The following EEPD1 variants were observed in gnomAD, a reference collection of about 807,000 sequenced individuals.
The protein encoded by EEPD1 is endonuclease/exonuclease/phosphatase family domain containing 1.
In EEPD1, 17 loss-of-function variants were observed where a neutral mutation model predicts 46.3. The observed-to-expected ratio is 0.37, with a 90% CI of 0.25 to 0.55. EEPD1 has a LOEUF of 0.55. Among genes scored for constraint, EEPD1 ranks in the 20% least tolerant of loss-of-function variants. The probability of loss-of-function intolerance (pLI) is 0.83; values close to 1 mark genes in which losing one functional copy is unlikely to be tolerated. For missense variants in EEPD1, 673 were observed against 745.6 expected (o/e 0.90, Z 1.13); for synonymous variants, 313 against 315.6 (o/e 0.99, Z 0.09).
At chr7:36,232,897 C>A (rs1786360917) in intron 2 of EEPD1, among the ~76,000 whole-genome samples, 1 of 152,032 alleles carries the variant, frequency 6.6e-6, no homozygotes, top group Non-Finnish European at 1.5e-5. Context: ...GTTTTCAAAT[C>A]TTGTTCTGCT....
intron 5 of EEPD1, among the ~76,000 whole-genome samples, chr7:36,287,236 CAAAAAAAAAAAAA>C (rs377318198): frequency 4.7e-5 from 2 of 42,204 alleles, no homozygotes; most frequent in African/African-American, 2.3e-4. Context: ...GACTCCTTCT[CAAAAAAAAAAAAA>C]AAAAAAAAAA....
intron 3 of EEPD1, among the ~76,000 whole-genome samples, chr7:36,273,228 C>T (rs988204443): frequency 6.6e-6 from 1 of 152,084 alleles, no homozygotes; most frequent in South Asian, 2.1e-4. Flanking sequence ...CCTTTCTGAG[C>T]CCTGGTTTCG....
At chr7:36,237,375 A>C (rs1336192619) in intron 2 of EEPD1, among the ~76,000 whole-genome samples, 1 of 152,238 alleles carries the variant, frequency 6.6e-6, no homozygotes, top group Non-Finnish European at 1.5e-5. Context: ...GAGCTCAAGC[A>C]GTCCTCCTGC....
At chr7:36,274,928 A>G (rs930272116) in intron 3 of EEPD1, among the ~76,000 whole-genome samples, 1 of 152,180 alleles carries the variant, frequency 6.6e-6, no homozygotes, top group Non-Finnish European at 1.5e-5. Flanking sequence ...CAGTCTCCTG[A>G]CCTTGCACGG....
chr7:36,232,474 G>T (rs1786350878), intron 2 of EEPD1, among the ~76,000 whole-genome samples: 1 of 151,822 alleles, frequency 6.6e-6, no homozygotes, highest in South Asian at 2.1e-4. Flanking sequence ...GAAGTGCTGG[G>T]ATTACAGACG....
chr7:36,290,768 G>A (rs196601), intron 6 of EEPD1, among the ~76,000 whole-genome samples: 11,211 of 152,212 alleles, frequency 0.074, 580 homozygotes, highest in Non-Finnish European at 0.11. Flanking sequence ...ACTGGTTCCT[G>A]TAGTTGTCAT....
chr7:36,160,839 G>A (rs537830973), intron 2 of EEPD1, among the ~76,000 whole-genome samples: 1 of 152,318 alleles, frequency 6.6e-6, no homozygotes, highest in African/African-American at 2.4e-5. Context: ...TGTGGATAGT[G>A]TGAGATTCAG....
At chr7:36,244,060 A>G (rs1459337738) in intron 3 of EEPD1, among the ~76,000 whole-genome samples, 3 of 152,170 alleles carry the variant, frequency 2.0e-5, no homozygotes, top group Non-Finnish European at 2.9e-5. Flanking sequence ...TAATTAAAAA[A>G]AAAGAAAATA....
In EEPD1 at chr7:36,283,582, G is replaced by A. The variant is rs76489551; in HGVS notation, c.1042-1104G>A. Among the ~76,000 whole-genome samples, 58 of 152,268 alleles carry A rather than the reference G, an allele frequency of 3.8e-4. No homozygotes were observed. In the East Asian group the frequency reaches 4.4e-3, roughly 12 times the overall value. ...AACTGAGTGGGTCGCCCAGGGTCCC[G>A]CGGCTAAGTGACTCAGGTGGGACTG... On this transcript the variant is annotated intron_variant, in intron 4 of 7. Coordinates refer to ENST00000242108, the MANE Select transcript of EEPD1 (RefSeq NM_030636.3).
At chr7:36,283,394 G>A (rs1044703841) in intron 4 of EEPD1, among the ~76,000 whole-genome samples, 3 of 152,124 alleles carry the variant, frequency 2.0e-5, no homozygotes, top group Non-Finnish European at 4.4e-5. Context: ...CAGGGCCATC[G>A]GGGAGCCCCT....
chr7:36,272,075 G>T (rs1338538961), intron 3 of EEPD1, among the ~76,000 whole-genome samples: 3 of 151,740 alleles, frequency 2.0e-5, no homozygotes, highest in Admixed American at 6.6e-5. Context: ...TAGAGACAGG[G>T]TTTCACCATG....
At position 36,155,014 on chromosome 7, in the gene EEPD1, C is replaced by T. The variant is rs1784804492; in HGVS notation, c.690C>T (p.Asp230=). 6.2e-7 allele frequency: 1 copy of T among 1,608,060 alleles called. No homozygotes were observed. The highest frequency in any genetic ancestry group is 8.5e-7 in the Non-Finnish European group (1 of 1,175,814). ...SPTSLSLQSE[D]LDLPPGGPTQ... ...CTTCCCTGAGCCTGCAGAGTGAGGA[C>T]CTGGACCTGCCGCCAGGGGGGCCCA... The change falls in exon 2 of 8, where the codon GAC becomes GAT. Residue 230 remains aspartate (D), a synonymous_variant. Transcript: ENST00000242108.
intron 3 of EEPD1, among the ~76,000 whole-genome samples, chr7:36,268,939 C>A (rs766989214): frequency 6.6e-6 from 1 of 152,348 alleles, no homozygotes; most frequent in Non-Finnish European, 1.5e-5. Flanking sequence ...CAGCCTTTCT[C>A]TAGAGTCTGC....
chr7:36,266,742 C>T (rs891069012), intron 3 of EEPD1, among the ~76,000 whole-genome samples: 1 of 152,186 alleles, frequency 6.6e-6, no homozygotes, highest in African/African-American at 2.4e-5. Context: ...CCCTTCCCCT[C>T]TTGCCCAGCC....
intron 2 of EEPD1, among the ~76,000 whole-genome samples, chr7:36,204,690 T>C (rs1785780972): frequency 6.6e-6 from 1 of 152,230 alleles, no homozygotes; most frequent in Non-Finnish European, 1.5e-5. Flanking sequence ...CGGGCTCACC[T>C]GGGCTGCAGA....
intron 2 of EEPD1, among the ~76,000 whole-genome samples, chr7:36,223,256 C>G (rs1422883766): frequency 6.6e-6 from 1 of 152,206 alleles, no homozygotes; most frequent in East Asian, 1.9e-4. Context: ...CACCTCCTCA[C>G]TATTGCATGC....
intron 2 of EEPD1, among the ~76,000 whole-genome samples, chr7:36,234,393 C>A (rs1467091459): frequency 3.3e-5 from 5 of 152,094 alleles, no homozygotes; most frequent in African/African-American, 4.8e-5. Flanking sequence ...TAATTCTGAC[C>A]AGATGTGGTG....
chr7:36,223,729 G>A (rs1178115324), intron 2 of EEPD1, among the ~76,000 whole-genome samples: 1 of 152,156 alleles, frequency 6.6e-6, no homozygotes, highest in Non-Finnish European at 1.5e-5. Flanking sequence ...TAAGGCTTAA[G>A]GTATCCCAAA....
chr7:36,248,294 T>A (rs1355216271), intron 3 of EEPD1, among the ~76,000 whole-genome samples: 1 of 151,482 alleles, frequency 6.6e-6, no homozygotes, highest in Non-Finnish European at 1.5e-5. Flanking sequence ...AACCTCCACC[T>A]CCTGAGCTCA....
Sources: gnomAD v4.1 joint callset for allele counts (sites outside exome capture counted in the v4.1 genomes callset) on GRCh38, gnomAD v4.1.1 for gene constraint, MANE v1.5 for transcripts, NCBI Gene and HGNC (gene_info 2026-07-23, HGNC 2026-07-21) for gene names.